Variants in SLC8A1 observed in about 807,000 individuals in gnomAD.
The protein encoded by SLC8A1 is sodium/calcium exchanger 1.
In SLC8A1, 18 loss-of-function variants were observed where a neutral mutation model predicts 68.3. The observed-to-expected ratio is 0.26, with a 90% CI of 0.18 to 0.39. The LOEUF (loss-of-function observed/expected upper bound fraction) is 0.39, where lower values mean the gene tolerates loss of function less well. SLC8A1 is among the 10% of genes least tolerant of loss of function. SLC8A1 has a pLI of 1.00. For synonymous variants in SLC8A1, 475 were observed against 415.5 expected, an observed-to-expected ratio of 1.14 and a Z score of -1.74; for missense variants, 985 against 1,156.7, an observed-to-expected ratio of 0.85 and a Z score of 2.15.
At chr2:40,403,684 C>A (rs899759562) in intron 2 of SLC8A1, among the ~76,000 whole-genome samples, 1 of 152,202 alleles carries the variant, frequency 6.6e-6, no homozygotes, top group African/African-American at 2.4e-5. Context: ...ACTCAGCTAA[C>A]TTGAATTTCA....
At chr2:40,360,541 C>G (rs1278131216) in intron 2 of SLC8A1, among the ~76,000 whole-genome samples, 1 of 152,086 alleles carries the variant, frequency 6.6e-6, no homozygotes, top group Non-Finnish European at 1.5e-5. Context: ...GTTCTAAGCA[C>G]TTTGCTTGTA....
At chr2:40,380,202 C>G (rs1321639101) in intron 2 of SLC8A1, among the ~76,000 whole-genome samples, 1 of 152,108 alleles carries the variant, frequency 6.6e-6, no homozygotes, top group Non-Finnish European at 1.5e-5. Context: ...TATGATAAAG[C>G]TGATGCTTGA....
At chr2:40,253,993 TA>T (rs774415748) in intron 2 of SLC8A1, among the ~76,000 whole-genome samples, 3 of 147,064 alleles carry the variant, frequency 2.0e-5, no homozygotes, top group Non-Finnish European at 4.5e-5. Flanking sequence ...TAACTGATTT[TA>T]TATTTCAAAA....
intron 1 of SLC8A1, among the ~76,000 whole-genome samples, chr2:40,478,746 A>G (rs764239540): frequency 1.3e-5 from 2 of 149,626 alleles, no homozygotes; most frequent in East Asian, 3.9e-4. Context: ...TGGATGTTAC[A>G]TTTCATTTTC....
At chr2:40,234,231 G>A (rs1445137693) in intron 2 of SLC8A1, among the ~76,000 whole-genome samples, 7 of 151,954 alleles carry the variant, frequency 4.6e-5, no homozygotes, top group Admixed American at 6.6e-5. Context: ...CTACCCATGA[G>A]CATGGAATGT....
chr2:40,312,466 A>G (rs890163005), intron 2 of SLC8A1, among the ~76,000 whole-genome samples: 5 of 152,126 alleles, frequency 3.3e-5, no homozygotes, highest in Non-Finnish European at 7.4e-5. Context: ...CTGCTTTTCT[A>G]TTCAGTATTT....
intron 2 of SLC8A1, among the ~76,000 whole-genome samples, chr2:40,322,067 A>G (rs1265314310): frequency 1.3e-5 from 2 of 152,068 alleles, no homozygotes; most frequent in Non-Finnish European, 2.9e-5. Context: ...AAGTTCACAT[A>G]TTTTTAGCAG....
intron 2 of SLC8A1, among the ~76,000 whole-genome samples, chr2:40,418,565 A>G (rs1694566105): frequency 6.6e-6 from 1 of 152,180 alleles, no homozygotes; most frequent in African/African-American, 2.4e-5. Context: ...AGTACTTTCA[A>G]TGTCTGTAGT....
chr2:40,150,039 GTTC>G (rs1217144547), intron 6 of SLC8A1, among the ~76,000 whole-genome samples: 1 of 120,622 alleles, frequency 8.3e-6, no homozygotes, highest in Admixed American at 1.1e-4. Flanking sequence ...CTGTTCTCAG[GTTC>G]TTATTTGTTA....
intron 2 of SLC8A1, among the ~76,000 whole-genome samples, chr2:40,192,441 A>G (rs1192729531): frequency 6.6e-6 from 1 of 152,114 alleles, no homozygotes; most frequent in Non-Finnish European, 1.5e-5. Context: ...AACATGAGCA[A>G]ATACTTTATT....
intron 2 of SLC8A1, among the ~76,000 whole-genome samples, chr2:40,403,701 G>C (rs1452781219): frequency 6.6e-6 from 1 of 152,172 alleles, no homozygotes; most frequent in Non-Finnish European, 1.5e-5. Context: ...TTCAACATGA[G>C]CTTTAGACTA....
At chr2:40,348,786 T>G (rs1282331327) in intron 2 of SLC8A1, among the ~76,000 whole-genome samples, 1 of 152,126 alleles carries the variant, frequency 6.6e-6, no homozygotes, top group Non-Finnish European at 1.5e-5. Context: ...AGGGAAGCGG[T>G]ATTCAGTCTG....
chr2:40,475,038 A>T (rs1008854059), intron 1 of SLC8A1, among the ~76,000 whole-genome samples: 2 of 152,222 alleles, frequency 1.3e-5, no homozygotes, highest in Non-Finnish European at 2.9e-5. Flanking sequence ...CTTATAAAAA[A>T]ATTATTTAGG....
intron 2 of SLC8A1, among the ~76,000 whole-genome samples, chr2:40,403,899 T>C (rs1279500243): frequency 6.6e-6 from 1 of 152,152 alleles, no homozygotes; most frequent in Non-Finnish European, 1.5e-5. Context: ...CTAAAGGAAA[T>C]AAGTAAAAAG....
intron 1 of SLC8A1, among the ~76,000 whole-genome samples, chr2:40,448,722 GGTTAT>G (rs1701896940): frequency 6.6e-6 from 1 of 152,074 alleles, no homozygotes; most frequent in South Asian, 2.1e-4. Flanking sequence ...ATTTGGTAGG[GGTTAT>G]GATGAGGGGT....
exon 8 of SLC8A1, chr2:40,107,292 A>AAAAAAAAAAAAAAAAAAAAAAAAAAAAAC (rs1345676169): frequency 6.7e-6 from 1 of 149,446 alleles, no homozygotes; most frequent in Non-Finnish European, 1.5e-5. Flanking sequence ...AAAAAAAAAA[A>AAAAAAAAAAAAAAAAAAAAAAAAAAAAAC]AAAAAAAGAA....
intron 7 of SLC8A1, among the ~76,000 whole-genome samples, chr2:40,125,569 A>G (rs1451028447): frequency 6.6e-6 from 1 of 152,138 alleles, no homozygotes; most frequent in Non-Finnish European, 1.5e-5. Context: ...AATACCTTCT[A>G]TTTTATTTAC....
intron 2 of SLC8A1, among the ~76,000 whole-genome samples, chr2:40,234,784 A>C (rs1261282420): frequency 1.3e-5 from 2 of 152,028 alleles, no homozygotes; most frequent in African/African-American, 4.8e-5. Context: ...ATCAATACCT[A>C]ATTTATTGAG....
intron 1 of SLC8A1, among the ~76,000 whole-genome samples, chr2:40,468,089 A>G (rs1378380907): frequency 1.3e-5 from 2 of 152,066 alleles, no homozygotes; most frequent in African/African-American, 4.8e-5. Flanking sequence ...TTTGGTTTCA[A>G]TGCTTCCTAC....
Sources: allele counts gnomAD v4.1 joint callset (sites outside exome capture counted in the v4.1 genomes callset), GRCh38; gene constraint gnomAD v4.1.1; transcripts MANE v1.5; gene names NCBI Gene and HGNC (gene_info 2026-07-23, HGNC 2026-07-21).